MYNN: variants seen among roughly 807,000 people sequenced by gnomAD.
The protein encoded by MYNN is myoneurin, also known as zinc finger and BTB domain-containing protein 31.
In MYNN, 22 loss-of-function variants were observed where a neutral mutation model predicts 57.2. The observed-to-expected ratio is 0.38, with a 90% confidence interval of 0.27 to 0.55. The LOEUF is 0.55. MYNN is among the 20% of genes least tolerant of loss of function. MYNN has a pLI of 0.71. For missense variants in MYNN, 566 were observed against 723.1 expected, an observed-to-expected ratio of 0.78 and a Z score of 2.49; for synonymous variants, 241 against 257.1, an observed-to-expected ratio of 0.94 and a Z score of 0.60.
Position 169,785,052 on chromosome 3 carries a change from T to C in MYNN, c.1570+344T>C, listed in dbSNP as rs367646476. Among the ~76,000 whole-genome samples, 22 of 121,462 alleles carry C rather than the reference T, an allele frequency of 1.8e-4. 1 individual carries two copies. In the East Asian group the frequency reaches 2.1e-3, roughly 12 times the overall value. The allele number at this position is 121,462 out of a possible 152,430, so 79.7% of individuals were successfully genotyped here. On this transcript the variant is annotated intron_variant, in intron 7 of 7. Coordinates refer to ENST00000349841, the MANE Select transcript of MYNN (RefSeq NM_018657.5). ...AGTCTGGATAACTCAGGGTTTACTA[T>C]GGTTATTATGAAAAAAAAGGGGGGG...
In MYNN at chr3:169,778,754, T is replaced by A. The variant is rs765331445; in HGVS notation, c.267-14T>A. ...TTGATCAGAATATTGTCATGTAGCC[T>A]TGTTTCCTTGCAGTTGGAATGTTAA... is the stretch of plus-strand genomic sequence containing the variant. On this transcript the variant is annotated splice_polypyrimidine_tract_variant and intron_variant, in intron 2 of 7. Transcript: ENST00000349841. 1.9e-4 allele frequency: 299 copies of A among 1,571,788 alleles called. 1 individual carries two copies. Among genetic ancestry groups the A allele is most frequent in the South Asian group, 1.2e-3 (103 of 83,412 alleles).
At position 169,774,354 on chromosome 3, in the gene MYNN, C is replaced by G; in HGVS notation, c.59C>G (p.Ala20Gly). 6.2e-7 allele frequency: 1 copy of G among 1,614,030 alleles called. No homozygotes were observed. The highest frequency in any genetic ancestry group is 8.5e-7 in the Non-Finnish European group (1 of 1,179,926). Residue 20 changes from alanine (A) to glycine (G), a missense_variant, in exon 2 of 8, where the codon GCA becomes GGA. Coordinates refer to ENST00000349841, the MANE Select transcript of MYNN (RefSeq NM_018657.5). ...LLERLNKQRE[A>G]GFLCDCTIVI... is the part of the protein sequence containing the mutation. ...GAGAGACTGAACAAACAGCGGGAAG[C>G]AGGTTTTCTCTGTGACTGTACCATA...
Position 169,788,529 on chromosome 3 carries a change from T to C in MYNN, c.*1851T>C, listed in dbSNP as rs1577404652. 2 of 152,324 alleles carry C rather than the reference T, an allele frequency of 1.3e-5. No homozygotes were observed. Among genetic ancestry groups the C allele is most frequent in the East Asian group, 3.9e-4 (2 of 5,194 alleles). The allele number at this position is 152,324 out of a possible 1,614,324, so 9.4% of individuals were successfully genotyped here. On this transcript the variant is annotated 3_prime_UTR_variant, in exon 8 of 8. Coordinates refer to ENST00000349841, the MANE Select transcript of MYNN (RefSeq NM_018657.5). ...AGAGGTTATGTTTAATTTATTTATATCTTCGTTAATCCAAGCATCTAATGA... is the reference window on the plus strand; with the variant it reads ...AGAGGTTATGTTTAATTTATTTATACCTTCGTTAATCCAAGCATCTAATGA...
intron 1 of MYNN, among the ~76,000 whole-genome samples, chr3:169,773,699 GA>G: frequency 6.6e-6 from 1 of 152,296 alleles, no homozygotes; most frequent in Non-Finnish European, 1.5e-5. Flanking sequence ...GTCACTCTCG[GA>G]TGCCGCCTCG....
intron 2 of MYNN, chr3:169,778,092 C>T (rs1318036149): frequency 2.0e-5 from 3 of 152,416 alleles, no homozygotes; most frequent in Non-Finnish European, 4.4e-5. Context: ...CATGGTAGCA[C>T]ATGCTTGTAG....
chr3:169,780,805 T>A, intron 4 of MYNN, 56 bp downstream of exon 4: 4 of 1,343,868 alleles, frequency 3.0e-6, no homozygotes, highest in South Asian at 1.5e-5. Flanking sequence ...CATAGTCTTA[T>A]GAATAGACTA....
chr3:169,783,789 C>T (rs1028254940), intron 6 of MYNN: 16 of 586,804 alleles, frequency 2.7e-5, no homozygotes, highest in Non-Finnish European at 3.2e-5. Context: ...AGAAATATGC[C>T]AGATAATCAA....
chr3:169,774,059 C>T, intron 1 of MYNN: 1 of 472,756 alleles, frequency 2.1e-6, no homozygotes, highest in Non-Finnish European at 3.8e-6. Context: ...TTCACCGTCA[C>T]TTATTGATGT....
intron 2 of MYNN, among the ~76,000 whole-genome samples, chr3:169,776,225 A>G (rs989973478): frequency 2.0e-5 from 3 of 152,230 alleles, no homozygotes; most frequent in African/African-American, 7.2e-5. Context: ...CTTTTGGTAC[A>G]TATCTTTCCT....
At chr3:169,785,749 C>T (rs563766313) in intron 7 of MYNN, among the ~76,000 whole-genome samples, 3 of 152,050 alleles carry the variant, frequency 2.0e-5, no homozygotes, top group East Asian at 1.9e-4. Context: ...GTTTTGTCTG[C>T]GTGACAAGGA....
chr3:169,778,161 TCA>T (rs1778402391), intron 2 of MYNN: 1 of 96,280 alleles, frequency 1.0e-5, no homozygotes, highest in Non-Finnish European at 2.6e-5. Context: ...CGGTGAGTTA[TCA>T]TTATACCAGT....
intron 4 of MYNN, 48 bp downstream of exon 4, chr3:169,780,797 T>C: frequency 6.9e-7 from 1 of 1,447,394 alleles, no homozygotes; most frequent in Non-Finnish European, 9.4e-7. Context: ...TTAATCACCA[T>C]AGTCTTATGA....
rs1257391403 is a variant in MYNN at position 169,787,223 on chromosome 3, T to C, written c.*545T>C. The C allele has an allele frequency of 6.6e-6, 1 of 152,256 alleles. No individual in the cohort carries two copies. The highest frequency in any genetic ancestry group is 2.4e-5 in the African/African-American group (1 of 41,454). 9.4% of individuals were successfully genotyped at this position (152,256 alleles called of 1,614,324 possible). A position where few individuals can be genotyped will look rare whatever the true frequency, so the allele number is the denominator to read the frequency against. ...TTCTCTATTAATATATTGTTAGAAA[T>C]AACTTTTCTAATGAAACAAAAATGT... On this transcript the variant is annotated 3_prime_UTR_variant, in exon 8 of 8. Coordinates refer to ENST00000349841, the MANE Select transcript of MYNN (RefSeq NM_018657.5).
At chr3:169,778,475 G>T in intron 2 of MYNN, 1 of 245,980 alleles carries the variant, frequency 4.1e-6, no homozygotes, top group Non-Finnish European at 7.8e-6. Flanking sequence ...CTATTTTTGT[G>T]TTCTAGGGTT....
chr3:169,778,814 G>A lies in MYNN; in HGVS notation c.313G>A (p.Glu105Lys), dbSNP rs1371978713. The change falls in exon 3 of 8, where the codon GAA becomes AAA. Residue 105 changes from glutamate (E) to lysine (K), a missense_variant. Physicochemically the swap from Glu to Lys is moderately conservative, Grantham distance 56. This residue lies in a region of MYNN where 261 missense variants were observed against 280.8 expected (regional missense o/e 0.93). Transcript: ENST00000349841. ...TCAGGCTGCTGACTATCTCAAAGTG[G>A]AAGAGGTGGTCACTAAATGCAAAAT... ...IHQAADYLKV[E>K]EVVTKCKIKM... 6.2e-7 allele frequency: 1 copy of A among 1,611,304 alleles called. No individual in the cohort carries two copies. The highest frequency in any genetic ancestry group is 1.3e-5 in the African/African-American group (1 of 74,854).
In MYNN at chr3:169,786,425, A is replaced by C; in HGVS notation, c.1580A>C (p.Lys527Thr). 6.2e-7 allele frequency: 1 copy of C among 1,609,974 alleles called. No individual in the cohort carries two copies. The stretch of plus-strand genomic sequence containing the variant: ...TTTCCTTCCATTCTAGGTGCAGATA[A>C]AACTCTAGACTCCAGTGCAGAGGAT... ...HKTKVHSGAD[K>T]TLDSSAEDHT... is the part of the protein sequence containing the mutation. Residue 527 changes from lysine (K) to threonine (T), a missense_variant, in exon 8 of 8, where the codon AAA (lysine) becomes ACA (threonine). Physicochemically the swap from Lys to Thr is moderately conservative, Grantham distance 78. This residue lies in a region of MYNN where 156 missense variants were observed against 163.9 expected (regional missense o/e 0.95). Coordinates refer to ENST00000349841, the MANE Select transcript of MYNN (RefSeq NM_018657.5).
chr3:169,785,492 G>A (rs1778651558), intron 7 of MYNN, among the ~76,000 whole-genome samples: 1 of 151,890 alleles, frequency 6.6e-6, no homozygotes, highest in Admixed American at 6.6e-5. Context: ...AATAAATAGG[G>A]AAAATGTAGG....
intron 7 of MYNN, 65 bp downstream of exon 7, chr3:169,784,773 C>T (rs1306680055): frequency 9.0e-6 from 9 of 1,000,266 alleles, no homozygotes; most frequent in Non-Finnish European, 1.3e-5. Context: ...TAGTGCTATT[C>T]CTTAAAATGC....
chr3:169,784,925 A>C (rs1222240500), intron 7 of MYNN, among the ~76,000 whole-genome samples: 2 of 151,400 alleles, frequency 1.3e-5, no homozygotes, highest in Non-Finnish European at 3.0e-5. Flanking sequence ...AAAAAAAAAA[A>C]AAAAACTTGA....
Sources: gnomAD v4.1 joint callset for allele counts (sites outside exome capture counted in the v4.1 genomes callset) on GRCh38, gnomAD v4.1.1 for gene constraint, gnomAD v4.1.1 regional missense constraint, MANE v1.5 for transcripts, NCBI Gene and HGNC (gene_info 2026-07-23, HGNC 2026-07-21) for gene names.